SNAPC4: variants seen among roughly 807,000 people sequenced by gnomAD.
The protein encoded by SNAPC4 is snRNA-activating protein complex subunit 4.
SNAPC4 carries 127 observed loss-of-function variants against 151.3 expected under a neutral mutation model. The observed-to-expected ratio is 0.84, with a 90% CI of 0.73 to 0.97. The LOEUF (loss-of-function observed/expected upper bound fraction) is 0.97, where lower values mean the gene tolerates loss of function less well. Ranked by LOEUF, SNAPC4 falls within the 50% of genes least tolerant of loss-of-function variation. SNAPC4 has a pLI of 0.00. For synonymous variants in SNAPC4, 1,002 were observed against 824.4 expected (o/e 1.22, Z -3.69); for missense variants, 2,186 against 1,935.0 (o/e 1.13, Z -2.43).
At position 136,383,863 on chromosome 9, in the gene SNAPC4, C is replaced by T. The variant is rs1833798896; in HGVS notation, c.1500+90G>A. The T allele has an allele frequency of 1.5e-6, 2 of 1,298,364 alleles. No individual in the cohort carries two copies. The highest frequency in any genetic ancestry group is 2.2e-6 in the Non-Finnish European group (2 of 905,992). The allele number at this position is 1,298,364 out of a possible 1,614,324, so 80.4% of individuals were successfully genotyped here. ...AATGCCAAGACCAGAAACCGAACGC[C>T]CCCCTCCCCTCCCCTCCTCCTGCCT... On this transcript the variant is annotated intron_variant, in intron 15 of 23. Coordinates refer to ENST00000684778, the MANE Select transcript of SNAPC4 (RefSeq NM_003086.4). The surrounding 1 kb of genome is among the most constrained non-coding windows in gnomAD (Gnocchi z 4.2).
rs779483694 is a variant in SNAPC4, at chr9:136,377,612, G to A, written c.4215C>T (p.Leu1405=). ...RVGSESEDED[L]LSELELADRD... ...TGTCTGCAAGTTCCAGCTCACTCAG[G>A]AGGTCTTCATCCTCACTCTCAGAGC... Residue 1405 remains leucine, a synonymous_variant, in exon 22 of 24, where the codon CTC becomes CTT. Coordinates refer to ENST00000684778, the MANE Select transcript of SNAPC4 (RefSeq NM_003086.4). 4.5e-6 allele frequency: 7 copies of A among 1,557,048 alleles called. No individual in the cohort carries two copies. The highest frequency in any genetic ancestry group is 1.9e-5 in the Admixed American group (1 of 52,320).
chr9:136,378,741 G>A lies in SNAPC4; in HGVS notation c.3086C>T (p.Pro1029Leu), dbSNP rs1457678364. The stretch of plus-strand genomic sequence containing the variant: ...CAGGCCCTGCTTCCGGGATGCAGCG[G>A]GGGCCTGAGACTGTCCGAGACCACT... ...PESGLGQSQA[P>L]AASRKQGLPE... The change falls in exon 22 of 24, where the codon CCC (proline) becomes CTC (leucine). Residue 1029 changes from proline to leucine, a missense_variant. By Grantham distance (98) the Pro-to-Leu change is moderately conservative (BLOSUM62 -3). Transcript: ENST00000684778. 1 of 1,519,090 alleles carries A rather than the reference G, an allele frequency of 6.6e-7. No homozygotes were observed. The highest frequency in any genetic ancestry group is 2.1e-5 in the Admixed American group (1 of 46,996). The allele number at this position is 1,519,090 out of a possible 1,614,324, so 94.1% of individuals were successfully genotyped here.
Position 136,394,831 on chromosome 9 carries a change from G to A in SNAPC4, c.519C>T (p.Ile173=), listed in dbSNP as rs998107818. 3.1e-6 allele frequency: 5 copies of A among 1,613,854 alleles called. No individual in the cohort carries two copies. The African/African-American group carries it at 6.7e-5, about 22-fold the overall frequency. Residue 173 remains isoleucine, a synonymous_variant, in exon 6 of 24, where the codon ATC becomes ATT. Coordinates refer to ENST00000684778, the MANE Select transcript of SNAPC4 (RefSeq NM_003086.4). ...EDTREKAAQG[I]KAFEELLVTK... Reference sequence around the variant, plus strand: ...TCACAAGGAGCTCCTCGAAAGCCTTGATCCCCTGGGCAGCCTTCTCTCGTG... The same window carrying A: ...TCACAAGGAGCTCCTCGAAAGCCTTAATCCCCTGGGCAGCCTTCTCTCGTG...
intron 7 of SNAPC4, among the ~76,000 whole-genome samples, chr9:136,394,044 A>C (rs1381457342): frequency 2.0e-5 from 3 of 152,160 alleles, no homozygotes; most frequent in Non-Finnish European, 4.4e-5. Context: ...CAGCCTCCCG[A>C]GTAGCTGGGA....
In SNAPC4 at chr9:136,383,349, C is replaced by T. The variant is rs1374590484; in HGVS notation, c.1820G>A (p.Ser607Asn). Residue 607 changes from serine (S) to asparagine (N), a missense_variant, in exon 16 of 24, where the codon AGC becomes AAC. Physicochemically the swap from Ser to Asn is conservative, Grantham distance 46 (BLOSUM62 1). Coordinates refer to ENST00000684778, the MANE Select transcript of SNAPC4 (RefSeq NM_003086.4). The surrounding 1 kb of genome is among the most constrained non-coding windows in gnomAD (Gnocchi z 4.2). ...SLSPPKGSSA[S>N]QGGSKEASTT... ...GGAAGCTTCCTTGCTGCCGCCCTGG[C>T]TGGCACTGGACCCCTTGGGAGGGCT... 1 of 1,608,464 alleles carries T rather than the reference C, an allele frequency of 6.2e-7. No individual in the cohort carries two copies. Among genetic ancestry groups the T allele is most frequent in the Non-Finnish European group, 8.5e-7 (1 of 1,177,966 alleles).
chr9:136,378,393 T>A lies in SNAPC4; in HGVS notation c.3434A>T (p.Glu1145Val), dbSNP rs1252958759. 6.2e-7 allele frequency: 1 copy of A among 1,609,376 alleles called. No individual in the cohort carries two copies. Among genetic ancestry groups the A allele is most frequent in the African/African-American group, 1.3e-5 (1 of 74,886 alleles). The change falls in exon 22 of 24, where the codon GAG (glutamate) becomes GTG (valine). Residue 1145 changes from glutamate to valine, a missense_variant. By Grantham distance (121) the Glu-to-Val change is moderately radical. Coordinates refer to ENST00000684778, the MANE Select transcript of SNAPC4 (RefSeq NM_003086.4). Reference sequence around the variant, plus strand: ...TGGGGTGTCTGTCCTGCAGGAAGGCTCCGGTTCCCTGTTCATATTGGCTGG... The same window carrying A: ...TGGGGTGTCTGTCCTGCAGGAAGGCACCGGTTCCCTGTTCATATTGGCTGG... ...QPPANMNREPEPSCRTDTPAP... is the reference protein window; with the variant it reads ...QPPANMNREPVPSCRTDTPAP...
At position 136,395,349 on chromosome 9, in the gene SNAPC4, T is replaced by C. The variant is rs546415232; in HGVS notation, c.420A>G (p.Thr140=). 7 of 1,613,622 alleles carry C rather than the reference T, an allele frequency of 4.3e-6. No homozygotes were observed. In the South Asian group the frequency reaches 5.5e-5, roughly 13 times the overall value. Residue 140 remains threonine, a synonymous_variant, in exon 5 of 24, where the codon ACA becomes ACG. Coordinates refer to ENST00000684778, the MANE Select transcript of SNAPC4 (RefSeq NM_003086.4). ...VKDGKSLPPS[T]YMGHFMKPYF... is the part of the protein sequence containing the mutation. ...ACGGCTTCATGAAGTGCCCCATGTATGTGCTTGGGGGCAGGCTTTTGCCAT... is the reference window on the plus strand; with the variant it reads ...ACGGCTTCATGAAGTGCCCCATGTACGTGCTTGGGGGCAGGCTTTTGCCAT...
chr9:136,383,941 C>T lies in SNAPC4; in HGVS notation c.1500+12G>A, dbSNP rs760897092. 2.5e-6 allele frequency: 4 copies of T among 1,610,296 alleles called. No individual in the cohort carries two copies. The African/African-American group carries it at 4.0e-5, about 16-fold the overall frequency. On this transcript the variant is annotated intron_variant, in intron 15 of 23. Coordinates refer to ENST00000684778, the MANE Select transcript of SNAPC4 (RefSeq NM_003086.4). The surrounding 1 kb of genome is among the most constrained non-coding windows in gnomAD (Gnocchi z 4.2). ...TGTCTGGTTTCAGATAAAGAAGGAG[C>T]GAGTGGCTCACCCCCATCATGATCT...
In SNAPC4 at chr9:136,384,030, G is replaced by A; in HGVS notation, c.1423C>T (p.His475Tyr). 1 of 1,613,308 alleles carries A rather than the reference G, an allele frequency of 6.2e-7. No individual in the cohort carries two copies. Residue 475 changes from histidine (H) to tyrosine (Y), a missense_variant and splice_region_variant, in exon 15 of 24, where the codon CAC becomes TAC. By Grantham distance (83) the His-to-Tyr change is moderately conservative (BLOSUM62 2). Coordinates refer to ENST00000684778, the MANE Select transcript of SNAPC4 (RefSeq NM_003086.4). ...AGCTCAGAAGCTATTTTTGCCCAGT[G>A]ACCTGCAAAAGCCAAACCCCATGGA... The part of the protein sequence containing the change: ...IELIEKYGVG[H>Y]WAKIASELPH...
chr9:136,382,078 A>G lies in SNAPC4; in HGVS notation c.2068-5T>C. ...TGGCTGCCTCAGCTGCTCTTTCTGT[A>G]AGGAGAAGGCAGCACCTGGGGCCCA... On this transcript the variant is annotated splice_region_variant and splice_polypyrimidine_tract_variant and intron_variant, in intron 17 of 23. Transcript: ENST00000684778. 1.3e-6 allele frequency: 2 copies of G among 1,578,628 alleles called. No homozygotes were observed. The highest frequency in any genetic ancestry group is 2.2e-4 in the Middle Eastern group (1 of 4,448).
chr9:136,394,689 T>C, intron 6 of SNAPC4, 111 bp downstream of exon 6: 1 of 938,294 alleles, frequency 1.1e-6, no homozygotes. Context: ...GAAGGAGCCA[T>C]GAGGTCACAA....
At position 136,379,939 on chromosome 9, in the gene SNAPC4, A is replaced by ACTAT. The variant is rs1833627378; in HGVS notation, c.2500-79_2500-76dup. Reference sequence around the variant, plus strand: ...TTGGACCACCTCTCCTAGCATCTGGACTATCCCCTGCCACTCCCTGAAATG... The same window carrying ACTAT: ...TTGGACCACCTCTCCTAGCATCTGGACTATCTATCCCCTGCCACTCCCTGAAATG... On this transcript the variant is annotated intron_variant, in intron 20 of 23. Coordinates refer to ENST00000684778, the MANE Select transcript of SNAPC4 (RefSeq NM_003086.4). The ACTAT allele has an allele frequency of 1.2e-5, 18 of 1,497,034 alleles. No homozygotes were observed. In the South Asian group the frequency reaches 2.0e-4, roughly 17 times the overall value. The allele number at this position is 1,497,034 out of a possible 1,614,324, so 92.7% of individuals were successfully genotyped here.
intron 11 of SNAPC4, among the ~76,000 whole-genome samples, chr9:136,388,136 GCA>G (rs1833952323): frequency 6.6e-6 from 1 of 152,070 alleles, no homozygotes; most frequent in African/African-American, 2.4e-5. Context: ...GCGTGGTGGC[GCA>G]TGCCTGTAAT....
intron 1 of SNAPC4, 128 bp from the exon 2 acceptor site, chr9:136,398,565 G>A (rs957781685): frequency 1.9e-6 from 2 of 1,059,860 alleles, no homozygotes. Context: ...GCTCCCCAGA[G>A]AAAGATTAAT....
In SNAPC4 at chr9:136,382,337, C is replaced by G; in HGVS notation, c.1984-1G>C. ...GCACTGTCAGCAGACGCCTCCCACC[C>G]TGATGAGAAAGCTGCCTGAGGCGAG... On this transcript the variant is annotated splice_acceptor_variant, in intron 16 of 23. Transcript: ENST00000684778. LOFTEE classifies it high-confidence loss of function. 2 of 1,613,000 alleles carry G rather than the reference C, an allele frequency of 1.2e-6. No homozygotes were observed. The highest frequency in any genetic ancestry group is 1.7e-6 in the Non-Finnish European group (2 of 1,179,874).
rs963559456 is a variant in SNAPC4, at chr9:136,394,702, G to C, written c.550+98C>G. ...CTGAAGGAGCCATGAGGTCACAACA[G>C]AGAGAGGTCTGAGAACTTGGGGAGA... is the stretch of plus-strand genomic sequence containing the variant. On this transcript the variant is annotated intron_variant, in intron 6 of 23. Coordinates refer to ENST00000684778, the MANE Select transcript of SNAPC4 (RefSeq NM_003086.4). 2.7e-6 allele frequency: 3 copies of C among 1,099,576 alleles called. No homozygotes were observed. The East Asian group carries it at 7.1e-5, about 26-fold the overall frequency. 68.1% of individuals were successfully genotyped at this position (1,099,576 alleles called of 1,614,324 possible). A position where few individuals can be genotyped will look rare whatever the true frequency, so the allele number is the denominator to read the frequency against.
chr9:136,383,911 G>A lies in SNAPC4; in HGVS notation c.1500+42C>T, dbSNP rs762254840. The A allele has an allele frequency of 6.5e-7, 1 of 1,543,294 alleles. No homozygotes were observed. The highest frequency in any genetic ancestry group is 1.7e-5 in the Admixed American group (1 of 59,860). ...CCTGCTGGACCCCCCAGTTGACCAG[G>A]CCATTGTCTGGTTTCAGATAAAGAA... On this transcript the variant is annotated intron_variant, in intron 15 of 23. Coordinates refer to ENST00000684778, the MANE Select transcript of SNAPC4 (RefSeq NM_003086.4). This position sits in a 1 kb window ranked among gnomAD's most constrained non-coding sequence, Gnocchi z 4.2.
rs190339351 is a variant in SNAPC4 at position 136,394,461 on chromosome 9, T to C, written c.551-131A>G. Reference sequence around the variant, plus strand: ...CGAGTAAGCAGCACGCCAGACCTACTGACGTGGCCCCTCCACCCAGCTGAC... The same window carrying C: ...CGAGTAAGCAGCACGCCAGACCTACCGACGTGGCCCCTCCACCCAGCTGAC... On this transcript the variant is annotated intron_variant, in intron 6 of 23. Transcript: ENST00000684778. 2.3e-5 allele frequency: 18 copies of C among 778,306 alleles called. No homozygotes were observed. The African/African-American group carries it at 2.7e-4, about 12-fold the overall frequency. 48.2% of individuals were successfully genotyped at this position (778,306 alleles called of 1,614,324 possible).
intron 18 of SNAPC4, 109 bp from the exon 19 acceptor site, chr9:136,381,501 G>T: frequency 9.7e-7 from 1 of 1,026,590 alleles, no homozygotes; most frequent in Non-Finnish European, 1.5e-6. Flanking sequence ...GGCTCTGGGA[G>T]CCAGGCCAGG....
Sources: allele counts gnomAD v4.1 joint callset (sites outside exome capture counted in the v4.1 genomes callset), GRCh38; gene constraint gnomAD v4.1.1; non-coding constraint Gnocchi (gnomAD v3.1); transcripts MANE v1.5; gene names NCBI Gene and HGNC (gene_info 2026-07-23, HGNC 2026-07-21).